FSD1L: variants seen among roughly 807,000 people sequenced by gnomAD.
FSD1L encodes FSD1-like protein.
FSD1L carries 45 observed loss-of-function variants against 71.6 expected under a neutral mutation model. The ratio of observed to expected loss-of-function variants is 0.63; its 90% confidence interval spans 0.49 to 0.81. The LOEUF (loss-of-function observed/expected upper bound fraction) is 0.81, where lower values mean the gene tolerates loss of function less well. Among genes scored for constraint, FSD1L ranks in the 30% least tolerant of loss-of-function variants. The pLI is 0.00. For synonymous variants in FSD1L, 197 were observed against 207.2 expected (o/e 0.95, Z 0.42); for missense variants, 561 against 618.1 (o/e 0.91, Z 0.98).
chr9:105,502,729 A>G (rs1833836037), intron 7 of FSD1L, among the ~76,000 whole-genome samples: 1 of 152,130 alleles, frequency 6.6e-6, no homozygotes, highest in Admixed American at 6.5e-5. Flanking sequence ...TGGGCTTTCA[A>G]CAATGGCTTA....
chr9:105,464,452 T>C (rs1431788271), intron 3 of FSD1L, 121 bp downstream of exon 3: 2 of 491,210 alleles, frequency 4.1e-6, no homozygotes, highest in Admixed American at 8.4e-5. Context: ...AGCTTTAAAA[T>C]AGCAGATAAA....
chr9:105,490,148 A>G (rs1057216973), intron 7 of FSD1L, among the ~76,000 whole-genome samples: 6 of 152,178 alleles, frequency 3.9e-5, no homozygotes, highest in Non-Finnish European at 7.3e-5. Context: ...CTATTTCTCC[A>G]CATCCTCTCC....
intron 7 of FSD1L, among the ~76,000 whole-genome samples, chr9:105,492,715 G>C (rs1833041303): frequency 6.6e-6 from 1 of 152,086 alleles, no homozygotes; most frequent in Non-Finnish European, 1.5e-5. Flanking sequence ...GTTCTCATTG[G>C]TTTCAAAGAA....
intron 13 of FSD1L, among the ~76,000 whole-genome samples, chr9:105,545,021 A>G (rs1432659201): frequency 1.3e-5 from 2 of 152,264 alleles, no homozygotes; most frequent in South Asian, 2.1e-4. Context: ...CTTGGGCAGT[A>G]TGACCATTTT....
At chr9:105,539,427 T>C in intron 13 of FSD1L, 76 bp downstream of exon 13, 1 of 542,362 alleles carries the variant, frequency 1.8e-6, no homozygotes, top group Non-Finnish European at 3.0e-6. Context: ...TATTCTATAC[T>C]GTATATTTGG....
intron 7 of FSD1L, among the ~76,000 whole-genome samples, chr9:105,487,028 AAGCATATAGTAC>A (rs1458592944): frequency 1.3e-5 from 2 of 152,150 alleles, no homozygotes; most frequent in African/African-American, 4.8e-5. Flanking sequence ...AAAAAGATGG[AAGCATATAGTAC>A]AGCAAGAACT....
chr9:105,506,960 A>G (rs1834091597), intron 8 of FSD1L, among the ~76,000 whole-genome samples: 1 of 152,108 alleles, frequency 6.6e-6, no homozygotes, highest in South Asian at 2.1e-4. Context: ...GTTGGTAGAG[A>G]CAGGGTTTCA....
At chr9:105,484,323 A>G (rs746501229) in intron 6 of FSD1L, 58 bp from the exon 7 acceptor site, 76 of 1,245,800 alleles carry the variant, frequency 6.1e-5, no homozygotes, top group Non-Finnish European at 7.7e-5. Flanking sequence ...TATAAATTAA[A>G]TATGATTTGA....
intron 7 of FSD1L, among the ~76,000 whole-genome samples, chr9:105,495,303 C>G (rs1399087936): frequency 1.3e-5 from 2 of 152,152 alleles, no homozygotes; most frequent in Admixed American, 1.3e-4. Flanking sequence ...ACCCTCGGAG[C>G]CAGGTGCGGG....
At chr9:105,442,290 C>T in the FSD1L span, among the ~76,000 whole-genome samples, 85 of 152,194 alleles carry the variant, frequency 5.6e-4, no homozygotes, top group African/African-American at 1.9e-3. Flanking sequence ...GCCTTCCAAA[C>T]GTGAGTATAA....
At chr9:105,451,762 A>T (rs1286193496) in intron 1 of FSD1L, among the ~76,000 whole-genome samples, 1 of 152,186 alleles carries the variant, frequency 6.6e-6, no homozygotes, top group South Asian at 2.1e-4. Flanking sequence ...TCTTTACCGG[A>T]TGAAATGTGC....
intron 10 of FSD1L, chr9:105,525,104 C>T: frequency 1.3e-6 from 2 of 1,551,478 alleles, no homozygotes; most frequent in Non-Finnish European, 1.7e-6. Flanking sequence ...TGGCCCACCT[C>T]CTGTAAGTGG....
At chr9:105,480,182 C>T (rs987895441) in intron 6 of FSD1L, among the ~76,000 whole-genome samples, 1 of 152,078 alleles carries the variant, frequency 6.6e-6, no homozygotes, top group Non-Finnish European at 1.5e-5. Context: ...ACTCCAAATC[C>T]TAGATTAAAT....
Position 105,495,954 on chromosome 9 carries a change from G to C in FSD1L, c.587-10445G>C, listed in dbSNP as rs370680555. On this transcript the variant is annotated intron_variant, in intron 7 of 13. Transcript: ENST00000481272. ...ACCACTGCACTGCAGCCTGGCAGCA[G>C]AGTGAGACTCCATCTAAAAAAAAAA... 1.3e-4 allele frequency among the ~76,000 whole-genome samples: 19 copies of C among 147,870 alleles called. No homozygotes were observed. In the East Asian group the frequency reaches 1.4e-3, roughly 11 times the overall value.
At chr9:105,508,738 C>T (rs1021795650) in intron 9 of FSD1L, 23 bp downstream of exon 9, 11 of 1,337,744 alleles carry the variant, frequency 8.2e-6, no homozygotes, top group Non-Finnish European at 1.1e-5. Context: ...GCTCTTTATA[C>T]AGCATAAAAC....
At chr9:105,444,290 A>T (rs185775834), upstream of FSD1L, among the ~76,000 whole-genome samples, 5 of 152,322 alleles carry the variant, frequency 3.3e-5, no homozygotes, top group East Asian at 9.6e-4. Flanking sequence ...CAGCAACCCT[A>T]AAAGGGAATT....
chr9:105,537,828 G>A (rs1451928550), intron 12 of FSD1L, among the ~76,000 whole-genome samples: 1 of 152,204 alleles, frequency 6.6e-6, no homozygotes, highest in Non-Finnish European at 1.5e-5. Context: ...TGCCTGGCTA[G>A]TGCTTTTCAC....
At chr9:105,530,227 CT>C (rs1224842723) in intron 10 of FSD1L, among the ~76,000 whole-genome samples, 1 of 152,078 alleles carries the variant, frequency 6.6e-6, no homozygotes, top group Non-Finnish European at 1.5e-5. Context: ...ACAGTCCAGA[CT>C]AGAGGTAGCT....
intron 7 of FSD1L, among the ~76,000 whole-genome samples, chr9:105,503,335 T>C (rs975966692): frequency 2.0e-5 from 3 of 152,224 alleles, no homozygotes; most frequent in African/African-American, 7.2e-5. Flanking sequence ...AATGCCACTA[T>C]AATGTATCCT....
Sources: allele counts gnomAD v4.1 joint callset (sites outside exome capture counted in the v4.1 genomes callset), GRCh38; gene constraint gnomAD v4.1.1; transcripts MANE v1.5; gene names NCBI Gene and HGNC (gene_info 2026-07-23, HGNC 2026-07-21).